GIT2: variants seen among roughly 807,000 people sequenced by gnomAD.
GIT2 encodes ARF GTPase-activating protein GIT2.
GIT2 carries 32 observed loss-of-function variants against 100.3 expected under a neutral mutation model. The observed-to-expected ratio is 0.32, with a 90% CI of 0.24 to 0.43. The LOEUF is 0.43. GIT2 is among the 20% of genes least tolerant of loss of function. GIT2 has a pLI of 1.00. For synonymous variants in GIT2, 353 were observed against 364.1 expected (o/e 0.97, Z 0.35); for missense variants, 737 against 975.1 (o/e 0.76, Z 3.25).
At chr12:109,989,540 T>C in intron 3 of GIT2, 150 bp downstream of exon 3, 1 of 599,930 alleles carries the variant, frequency 1.7e-6, no homozygotes, top group Non-Finnish European at 3.0e-6. Flanking sequence ...CACCCCATTC[T>C]GCATTTCTAA....
At chr12:109,950,939 A>G in intron 14 of GIT2, 2 of 533,694 alleles carry the variant, frequency 3.7e-6, no homozygotes, top group Non-Finnish European at 6.8e-6. Flanking sequence ...ATGGGCACAA[A>G]TGCTTAAATA....
chr12:109,962,201 A>C lies in GIT2; in HGVS notation c.817-516T>G, dbSNP rs1006757438. ...AACCCTGCCTCTACAGAAAATACAA[A>C]AACTAGCTGGGCGTGGTGGTGCACA... On this transcript the variant is annotated intron_variant, in intron 9 of 19. Coordinates refer to ENST00000355312, the MANE Select transcript of GIT2 (RefSeq NM_057169.5). This position sits in a 1 kb window ranked among gnomAD's most constrained non-coding sequence, Gnocchi z 4.3. Among the ~76,000 whole-genome samples the C allele has an allele frequency of 2.0e-5, 3 of 152,098 alleles. No homozygotes were observed. The highest frequency in any genetic ancestry group is 2.9e-5 in the Non-Finnish European group (2 of 68,010).
Position 109,985,286 on chromosome 12 carries a change from G to GA in GIT2, c.406-1593dup, listed in dbSNP as rs199925756. ...CCTAATTTTTTAAAACTCTGGCAAG[G>GA]AAAAAAAAACAAAAAACAAAAAACC... On this transcript the variant is annotated intron_variant, in intron 4 of 19. Coordinates refer to ENST00000355312, the MANE Select transcript of GIT2 (RefSeq NM_057169.5). 7.1e-3 allele frequency among the ~76,000 whole-genome samples: 1,032 copies of GA among 145,364 alleles called. 1 individual carries two copies. The highest frequency in any genetic ancestry group is 9.8e-3 in the Non-Finnish European group (645 of 66,064).
At position 109,961,267 on chromosome 12, in the gene GIT2, G is replaced by C; in HGVS notation, c.987+11C>G. On this transcript the variant is annotated intron_variant, in intron 11 of 19. Coordinates refer to ENST00000355312, the MANE Select transcript of GIT2 (RefSeq NM_057169.5). Reference sequence around the variant, plus strand: ...CCCAACTACTATTCCTTTCCAAACTGAGCCACTTGCCTGATTTCGTGTTGA... The same window carrying C: ...CCCAACTACTATTCCTTTCCAAACTCAGCCACTTGCCTGATTTCGTGTTGA... 1 of 1,498,402 alleles carries C rather than the reference G, an allele frequency of 6.7e-7. No homozygotes were observed. The highest frequency in any genetic ancestry group is 9.3e-7 in the Non-Finnish European group (1 of 1,074,572). 92.8% of individuals were successfully genotyped at this position (1,498,402 alleles called of 1,614,324 possible). A position where few individuals can be genotyped will look rare whatever the true frequency, so the allele number is the denominator to read the frequency against.
At chr12:109,939,652 A>C (rs1219035154) in intron 16 of GIT2, 1 of 151,678 alleles carries the variant, frequency 6.6e-6, no homozygotes, top group African/African-American at 2.4e-5. Context: ...GGAGTTTGAG[A>C]CCAGCCTGGG....
In GIT2 at chr12:109,933,421, GTA is replaced by G; in HGVS notation, c.2068-233_2068-232del. ...AAGTGCATGCAGGGTAATTTTAGTA[GTA>G]TGTGGTATTTTGAAGTAGTTTTTGA... On this transcript the variant is annotated intron_variant, in intron 19 of 19. Coordinates refer to ENST00000355312, the MANE Select transcript of GIT2 (RefSeq NM_057169.5). The surrounding 1 kb of genome is among the most constrained non-coding windows in gnomAD (Gnocchi z 4.5). The G allele has an allele frequency of 2.3e-6, 1 of 437,770 alleles. No homozygotes were observed. Among genetic ancestry groups the G allele is most frequent in the East Asian group, 3.5e-5 (1 of 28,342 alleles). 27.1% of individuals were successfully genotyped at this position (437,770 alleles called of 1,614,324 possible). A position where few individuals can be genotyped will look rare whatever the true frequency, so the allele number is the denominator to read the frequency against.
chr12:109,989,114 A>G (rs1887938523), intron 3 of GIT2, 46 bp from the exon 4 acceptor site: 1 of 1,104,742 alleles, frequency 9.1e-7, no homozygotes, highest in Non-Finnish European at 1.4e-6. Flanking sequence ...TTCAGATACA[A>G]CAATCCCCAT....
At position 109,996,214 on chromosome 12, in the gene GIT2, C is replaced by T. The variant is rs1449164125; in HGVS notation, c.11G>A (p.Arg4Gln). Residue 4 changes from arginine to glutamine, a missense_variant, in exon 1 of 20, where the codon CGG becomes CAG. Around this residue, in one of 3 missense-constraint regions of GIT2, gnomAD observed 266 missense variants for 376.2 expected, o/e 0.71. Coordinates refer to ENST00000355312, the MANE Select transcript of GIT2 (RefSeq NM_057169.5). ...AGCGCACACCTCGCTGCTCCGGAGCCGTTTCGACATGGCTCCCACCTCCCA... is the reference window on the plus strand; with the variant it reads ...AGCGCACACCTCGCTGCTCCGGAGCTGTTTCGACATGGCTCCCACCTCCCA... MSKRLRSSEVCADC... is the reference protein window; with the variant it reads MSKQLRSSEVCADC... 1 of 1,533,014 alleles carries T rather than the reference C, an allele frequency of 6.5e-7. No individual in the cohort carries two copies. The highest frequency in any genetic ancestry group is 8.8e-7 in the Non-Finnish European group (1 of 1,139,916). The allele number at this position is 1,533,014 out of a possible 1,614,324, so 95.0% of individuals were successfully genotyped here.
At chr12:109,965,495 C>T in intron 9 of GIT2, 31 bp downstream of exon 9, 1 of 1,371,068 alleles carries the variant, frequency 7.3e-7, no homozygotes, top group South Asian at 1.2e-5. Context: ...GATTCTCATA[C>T]TAGAGAAAAC....
intron 4 of GIT2, among the ~76,000 whole-genome samples, chr12:109,988,272 G>A (rs964292381): frequency 3.9e-5 from 6 of 152,136 alleles, no homozygotes; most frequent in African/African-American, 7.2e-5. Flanking sequence ...AGACGAAACC[G>A]ACTGACAAAA....
intron 1 of GIT2, 165 bp from the exon 2 acceptor site, chr12:109,991,925 C>A: frequency 1.7e-6 from 1 of 582,434 alleles, no homozygotes; most frequent in Non-Finnish European, 3.0e-6. Context: ...GTATGACCTA[C>A]CTTGGCTGAT....
In GIT2 at chr12:109,944,947, G is replaced by T. The variant is rs779498191; in HGVS notation, c.1731+313C>A. ...TTTGGCCTATTATAATATCTAACCA[G>T]CAGCCAGCTAATTTTCTCGTTGTTT... On this transcript the variant is annotated intron_variant, in intron 16 of 19. Coordinates refer to ENST00000355312, the MANE Select transcript of GIT2 (RefSeq NM_057169.5). 3.9e-5 allele frequency among the ~76,000 whole-genome samples: 6 copies of T among 152,066 alleles called. No homozygotes were observed. In the South Asian group the frequency reaches 1.2e-3, roughly 32 times the overall value.
At chr12:109,935,506 A>G (rs910046792) in intron 18 of GIT2, among the ~76,000 whole-genome samples, 1 of 152,148 alleles carries the variant, frequency 6.6e-6, no homozygotes, top group Non-Finnish European at 1.5e-5. Flanking sequence ...GCTTCAAGCA[A>G]TTCTCCTGCC....
rs766891781 is a variant in GIT2, at chr12:109,939,179, C to A, written c.1800G>T (p.Glu600Asp). Residue 600 changes from glutamate to aspartate, a missense_variant, in exon 17 of 20, where the codon GAG (glutamate) becomes GAT (aspartate). This residue lies in a region of GIT2 where 451 missense variants were observed against 543.7 expected (regional missense o/e 0.83). Coordinates refer to ENST00000355312, the MANE Select transcript of GIT2 (RefSeq NM_057169.5). ...TGTGCATGTACCCCATGCCATCTGG[C>A]TCCATGTCGTTGGGAGTGTTGTCGT... ...SDYDNTPNDM[E>D]PDGMGSSRKG... The A allele has an allele frequency of 6.2e-7, 1 of 1,607,652 alleles. No homozygotes were observed. The highest frequency in any genetic ancestry group is 8.5e-7 in the Non-Finnish European group (1 of 1,174,280).
In GIT2 at chr12:109,933,134, G is replaced by A. The variant is rs994663834; in HGVS notation, c.2124C>T (p.Tyr708=). The change falls in exon 20 of 20, where the codon TAC becomes TAT. Residue 708 remains tyrosine, a synonymous_variant. Coordinates refer to ENST00000355312, the MANE Select transcript of GIT2 (RefSeq NM_057169.5). This position sits in a 1 kb window ranked among gnomAD's most constrained non-coding sequence, Gnocchi z 4.5. ...TSLRLLTSSA[Y]RLQSECKKTL... ...TCTTCTTGCACTCTGACTGCAGTCG[G>A]TAGGCACTGGACGTCAGTAAACGAA... The A allele has an allele frequency of 2.5e-6, 4 of 1,604,994 alleles. No homozygotes were observed. Among genetic ancestry groups the A allele is most frequent in the African/African-American group, 1.3e-5 (1 of 74,756 alleles).
chr12:109,962,191 GA>G lies in GIT2; in HGVS notation c.817-507del, dbSNP rs944339449. Among the ~76,000 whole-genome samples, 4 of 151,956 alleles carry G rather than the reference GA, an allele frequency of 2.6e-5. No homozygotes were observed. The highest frequency in any genetic ancestry group is 5.9e-5 in the Non-Finnish European group (4 of 67,994). On this transcript the variant is annotated intron_variant, in intron 9 of 19. Coordinates refer to ENST00000355312, the MANE Select transcript of GIT2 (RefSeq NM_057169.5). The surrounding 1 kb of genome is among the most constrained non-coding windows in gnomAD (Gnocchi z 4.3). Reference sequence around the variant, plus strand: ...AACATGGTGAAACCCTGCCTCTACAGAAAATACAAAAACTAGCTGGGCGTGG... The same window carrying G: ...AACATGGTGAAACCCTGCCTCTACAGAAATACAAAAACTAGCTGGGCGTGG...
In GIT2 at chr12:109,989,733, T is replaced by C. The variant is rs761231664; in HGVS notation, c.256A>G (p.Ile86Val). Reference sequence around the variant, plus strand: ...TTAGCTTTACGTCTTCCACTCATAATAGACGCAGGGTCCAGCAAAGAATGC... The same window carrying C: ...TTAGCTTTACGTCTTCCACTCATAACAGACGCAGGGTCCAGCAAAGAATGC... ...WEHSLLDPASIMSGRRKANPQ... is the reference protein window; with the variant it reads ...WEHSLLDPASVMSGRRKANPQ... Residue 86 changes from isoleucine (I) to valine (V), a missense_variant, in exon 3 of 20, where the codon ATT (isoleucine) becomes GTT (valine). By Grantham distance (29) the Ile-to-Val change is conservative (BLOSUM62 3). Coordinates refer to ENST00000355312, the MANE Select transcript of GIT2 (RefSeq NM_057169.5). 8 of 1,599,550 alleles carry C rather than the reference T, an allele frequency of 5.0e-6. No individual in the cohort carries two copies. Among genetic ancestry groups the C allele is most frequent in the East Asian group, 4.5e-5 (2 of 44,830 alleles).
intron 12 of GIT2, among the ~76,000 whole-genome samples, chr12:109,954,896 C>CAA (rs1158089528): frequency 4.8e-5 from 5 of 105,138 alleles, no homozygotes; most frequent in African/African-American, 1.3e-4. Flanking sequence ...GACTCTGTCT[C>CAA]AAAAAAAAAA....
At chr12:109,994,441 A>C (rs954068680) in intron 1 of GIT2, among the ~76,000 whole-genome samples, 2 of 152,212 alleles carry the variant, frequency 1.3e-5, no homozygotes, top group African/African-American at 4.8e-5. Flanking sequence ...ACAGAATCTC[A>C]AAGGGGTCCC....
Sources: gnomAD v4.1 joint callset for allele counts (sites outside exome capture counted in the v4.1 genomes callset) on GRCh38, gnomAD v4.1.1 for gene constraint, gnomAD v4.1.1 regional missense constraint, Gnocchi (gnomAD v3.1) non-coding constraint, MANE v1.5 for transcripts, NCBI Gene and HGNC (gene_info 2026-07-23, HGNC 2026-07-21) for gene names.